Variants in B4GALT5 observed in about 807,000 individuals in gnomAD.
The protein encoded by B4GALT5 is UDP-Gal:beta-GlcNAc beta-1,4-galactosyltransferase 5.
B4GALT5 carries 11 observed loss-of-function variants against 45.0 expected under a neutral mutation model. The ratio of observed to expected loss-of-function variants is 0.24; its 90% CI spans 0.15 to 0.40. B4GALT5 has a LOEUF of 0.40. Ranked by LOEUF, B4GALT5 falls within the 10% of genes least tolerant of loss-of-function variation. B4GALT5 has a pLI of 1.00. For synonymous variants in B4GALT5, 185 were observed against 182.9 expected (o/e 1.01, Z -0.09); for missense variants, 337 against 500.2 (o/e 0.67, Z 3.11).
At chr20:49,659,672 C>T (rs989274096) in intron 1 of B4GALT5, among the ~76,000 whole-genome samples, 5 of 152,176 alleles carry the variant, frequency 3.3e-5, no homozygotes, top group Non-Finnish European at 7.3e-5. Context: ...GAACACTCAC[C>T]AATATCATCG....
At chr20:49,646,565 G>A (rs1031103272) in intron 3 of B4GALT5, among the ~76,000 whole-genome samples, 19 of 152,120 alleles carry the variant, frequency 1.2e-4, no homozygotes, top group South Asian at 2.1e-4. Flanking sequence ...TAGGGGTGTC[G>A]CAGGCTACAC....
intron 1 of B4GALT5, among the ~76,000 whole-genome samples, chr20:49,697,193 A>G (rs1448854206): frequency 1.3e-5 from 2 of 152,268 alleles, no homozygotes; most frequent in African/African-American, 4.8e-5. Context: ...CTCAGAAGAC[A>G]AGGCCAGGGG....
chr20:49,688,754 C>T lies in B4GALT5; in HGVS notation c.115+24822G>A, dbSNP rs894813961. On this transcript the variant is annotated intron_variant, in intron 1 of 8. Transcript: ENST00000371711. ...AGGAGTTCGAGACCAGCCTGACCAA[C>T]GTGGAGAAACCCCATCTCTACTAAA... Among the ~76,000 whole-genome samples, 11 of 152,154 alleles carry T rather than the reference C, an allele frequency of 7.2e-5. No homozygotes were observed. In the East Asian group the frequency reaches 1.5e-3, roughly 21 times the overall value.
intron 2 of B4GALT5, among the ~76,000 whole-genome samples, chr20:49,652,345 A>G (rs895920870): frequency 1.3e-5 from 2 of 149,032 alleles, no homozygotes; most frequent in Non-Finnish European, 3.0e-5. Context: ...CTCCCATTTG[A>G]GAAAAGACCA....
chr20:49,642,372 T>A, intron 5 of B4GALT5, 96 bp downstream of exon 5: 1 of 920,402 alleles, frequency 1.1e-6, no homozygotes, highest in Non-Finnish European at 1.7e-6. Flanking sequence ...AGATTTCAGT[T>A]TTATTGGCTC....
intron 1 of B4GALT5, among the ~76,000 whole-genome samples, chr20:49,695,751 A>C (rs2085837218): frequency 6.6e-6 from 1 of 152,154 alleles, no homozygotes; most frequent in South Asian, 2.1e-4. Flanking sequence ...AGAACTATTT[A>C]ATATAATCAC....
intron 1 of B4GALT5, among the ~76,000 whole-genome samples, chr20:49,666,425 C>G (rs2085691000): frequency 6.6e-6 from 1 of 152,146 alleles, no homozygotes. Flanking sequence ...TGAATTTACT[C>G]ACATCATCAT....
At chr20:49,671,545 C>T (rs2085715978) in intron 1 of B4GALT5, among the ~76,000 whole-genome samples, 1 of 151,992 alleles carries the variant, frequency 6.6e-6, no homozygotes, top group South Asian at 2.1e-4. Context: ...AAATATAAGC[C>T]TAGAACAGTT....
intron 1 of B4GALT5, among the ~76,000 whole-genome samples, chr20:49,659,599 A>C (rs999231819): frequency 6.6e-6 from 1 of 152,224 alleles, no homozygotes; most frequent in Non-Finnish European, 1.5e-5. Context: ...TGAGGGAGTA[A>C]AGATTGCCAA....
At chr20:49,676,189 TAG>T (rs551932409) in intron 1 of B4GALT5, among the ~76,000 whole-genome samples, 2 of 151,718 alleles carry the variant, frequency 1.3e-5, no homozygotes, top group African/African-American at 2.4e-5. Context: ...CATATATATG[TAG>T]AGAGAGAGAG....
intron 7 of B4GALT5, 128 bp downstream of exon 7, chr20:49,639,546 TAACC>T: frequency 2.9e-6 from 4 of 1,371,192 alleles, no homozygotes; most frequent in Admixed American, 4.8e-5. Context: ...TTTTTTTCCT[TAACC>T]TTTTAAACTG....
At chr20:49,642,980 T>C (rs1189711420) in intron 4 of B4GALT5, among the ~76,000 whole-genome samples, 2 of 152,252 alleles carry the variant, frequency 1.3e-5, no homozygotes, top group Admixed American at 6.5e-5. Context: ...ATGGGCTGGA[T>C]ACTGATGTGT....
At position 49,642,536 on chromosome 20, in the gene B4GALT5, G is replaced by A; in HGVS notation, c.538C>T (p.Leu180=). The change falls in exon 5 of 9, where the codon CTG becomes TTG. Residue 180 remains leucine, a synonymous_variant. Transcript: ENST00000371711. ...FRNRHEHLPV[L]FRHLLPMLQR... ...AGCATGGGAAGCAGGTGTCTGAACAGGACTGGGAGGTGCTCGTGGCGGTTC... is the reference window on the plus strand; with the variant it reads ...AGCATGGGAAGCAGGTGTCTGAACAAGACTGGGAGGTGCTCGTGGCGGTTC... 6 of 1,614,198 alleles carry A rather than the reference G, an allele frequency of 3.7e-6. No homozygotes were observed. In the South Asian group the frequency reaches 6.6e-5, roughly 18 times the overall value.
chr20:49,656,787 T>TC, intron 1 of B4GALT5, 85 bp from the exon 2 acceptor site: 1 of 1,560,956 alleles, frequency 6.4e-7, no homozygotes, highest in East Asian at 2.3e-5. Context: ...GATTTTTTTT[T>TC]CTTTTTGGAC....
chr20:49,688,558 G>A (rs879356684), intron 1 of B4GALT5, among the ~76,000 whole-genome samples: 3 of 152,150 alleles, frequency 2.0e-5, no homozygotes, highest in Non-Finnish European at 4.4e-5. Context: ...CTAGATATTA[G>A]AAAATCATCT....
intron 1 of B4GALT5, among the ~76,000 whole-genome samples, chr20:49,659,029 C>G (rs1429059303): frequency 1.3e-5 from 2 of 152,220 alleles, no homozygotes; most frequent in African/African-American, 4.8e-5. Context: ...ACTGAGAGCA[C>G]TAGAATTTGA....
rs1181537386 is a variant in B4GALT5, at chr20:49,656,662, C to A, written c.156G>T (p.Leu52=). 1 of 1,614,178 alleles carries A rather than the reference C, an allele frequency of 6.2e-7. No individual in the cohort carries two copies. The change falls in exon 2 of 9, where the codon CTG becomes CTT. Residue 52 remains leucine, a synonymous_variant. Coordinates refer to ENST00000371711, the MANE Select transcript of B4GALT5 (RefSeq NM_004776.4). ...YLFMMQAQGI[L]IRDNVRTIGA... is the part of the protein sequence containing the mutation. ...CGATTGTTCTCACGTTGTCCCGGATCAGAATGCCTTGGGCTTGCATCATGA... is the reference window on the plus strand; with the variant it reads ...CGATTGTTCTCACGTTGTCCCGGATAAGAATGCCTTGGGCTTGCATCATGA...
intron 1 of B4GALT5, among the ~76,000 whole-genome samples, chr20:49,658,131 C>T (rs1240429078): frequency 6.6e-6 from 1 of 152,162 alleles, no homozygotes; most frequent in African/African-American, 2.4e-5. Flanking sequence ...TGCTTAACTT[C>T]TGGCACCGTC....
chr20:49,702,640 A>G (rs2085867088), intron 1 of B4GALT5, among the ~76,000 whole-genome samples: 1 of 151,980 alleles, frequency 6.6e-6, no homozygotes, highest in Non-Finnish European at 1.5e-5. Context: ...GGATGGCTTC[A>G]GTCCACGAGT....
Sources: allele counts gnomAD v4.1 joint callset (sites outside exome capture counted in the v4.1 genomes callset), GRCh38; gene constraint gnomAD v4.1.1; transcripts MANE v1.5; gene names NCBI Gene and HGNC (gene_info 2026-07-23, HGNC 2026-07-21).